ITPRIPL1: variants seen among roughly 807,000 people sequenced by gnomAD.
ITPRIPL1 encodes ITPRIP like 1, also known as inositol 1,4,5-trisphosphate receptor-interacting protein-like 1.
Under a neutral mutation model 40.0 loss-of-function variants are expected in ITPRIPL1, and 28 were observed. The observed-to-expected ratio is 0.70, with a 90% CI of 0.52 to 0.96. The LOEUF (loss-of-function observed/expected upper bound fraction) is 0.96, where lower values mean the gene tolerates loss of function less well. Among genes scored for constraint, ITPRIPL1 ranks in the 40% least tolerant of loss-of-function variants. The pLI is 0.00. For synonymous variants in ITPRIPL1, 251 were observed against 275.7 expected (o/e 0.91, Z 0.89); for missense variants, 638 against 698.0 (o/e 0.91, Z 0.97).
rs769653732 is a variant in ITPRIPL1 at position 96,327,829 on chromosome 2, GC to G, written c.1200del (p.Cys401ValfsTer6). ...TSVDWPESFVACEHLFLKLVG... is the reference protein window; with the variant it reads ...TSVDWPESFVXCEHLFLKLVG... ...TGTGGACTGGCCTGAGTCCTTTGTG[GC>G]CTGTGAGCACCTGTTCCTGAAGCTG... On this transcript the variant is annotated frameshift_variant, in exon 3 of 3. Coordinates refer to ENST00000439118, the MANE Select transcript of ITPRIPL1 (RefSeq NM_001008949.3). LOFTEE classifies it high-confidence loss of function. 6.2e-7 allele frequency: 1 copy of G among 1,614,068 alleles called. No homozygotes were observed. The highest frequency in any genetic ancestry group is 1.7e-5 in the Admixed American group (1 of 60,012).
At chr2:96,328,454 T>C (rs555000328), downstream of ITPRIPL1, 95 of 713,032 alleles carry the variant, frequency 1.3e-4, no homozygotes, top group Non-Finnish European at 1.8e-4. Context: ...GAGGTGGTCA[T>C]GAGGATGGGC....
downstream of ITPRIPL1, chr2:96,328,641 G>A (rs2064139540): frequency 4.8e-6 from 1 of 209,196 alleles, no homozygotes; most frequent in Admixed American, 5.3e-5. Context: ...CACTCGAAGT[G>A]AGAGAACCAG....
Position 96,325,503 on chromosome 2 carries a change from A to G in ITPRIPL1, c.-156A>G. On this transcript the variant is annotated 5_prime_UTR_variant, in exon 1 of 3. Coordinates refer to ENST00000439118, the MANE Select transcript of ITPRIPL1 (RefSeq NM_001008949.3). ...AACCGGACGCCCCCACCCTGCCGGG[A>G]AAAAAGCAGTGGCGGTCAGGCCGCG... The G allele has an allele frequency of 4.8e-6, 2 of 412,484 alleles. No individual in the cohort carries two copies. Among genetic ancestry groups the G allele is most frequent in the South Asian group, 5.3e-5 (2 of 37,434 alleles). 25.6% of individuals were successfully genotyped at this position (412,484 alleles called of 1,614,324 possible).
chr2:96,326,471 T>A, intron 2 of ITPRIPL1, 171 bp from the exon 3 acceptor site: 1 of 1,544,104 alleles, frequency 6.5e-7, no homozygotes, highest in Middle Eastern at 2.2e-4. Flanking sequence ...CTCTCGAACC[T>A]CCTCCCAGGC....
intron 1 of ITPRIPL1, 66 bp from the exon 2 acceptor site, chr2:96,325,681 T>C: frequency 1.4e-6 from 1 of 707,876 alleles, no homozygotes. Flanking sequence ...GGGGAAGTTA[T>C]GAATGGGGGG....
rs745664432 is a variant in ITPRIPL1, at chr2:96,327,482, G to A, written c.851G>A (p.Cys284Tyr). 6.2e-7 allele frequency: 1 copy of A among 1,614,052 alleles called. No individual in the cohort carries two copies. Among genetic ancestry groups the A allele is most frequent in the Non-Finnish European group, 8.5e-7 (1 of 1,179,992 alleles). ...GAGAAACTCCTAGGGGACGTGCTGT[G>A]CCTGGTGCACCACCACAGGGACCCC... The part of the protein sequence containing the change: ...KREKLLGDVL[C>Y]LVHHHRDPSA... The change falls in exon 3 of 3, where the codon TGC (cysteine) becomes TAC (tyrosine). Residue 284 changes from cysteine (C) to tyrosine (Y), a missense_variant. Cys to Tyr is a radical substitution (Grantham distance 194). Coordinates refer to ENST00000439118, the MANE Select transcript of ITPRIPL1 (RefSeq NM_001008949.3).
Position 96,326,935 on chromosome 2 carries a change from GA to G in ITPRIPL1, c.306del (p.Pro104LeufsTer150), listed in dbSNP as rs1395904696. On this transcript the variant is annotated frameshift_variant, in exon 3 of 3. Coordinates refer to ENST00000439118, the MANE Select transcript of ITPRIPL1 (RefSeq NM_001008949.3). LOFTEE classifies it high-confidence loss of function. ...GTGGCCGTTCCAGGCCGATGGCCAG[GA>G]AGGGCCTCTGGGCTGGATGCTGGGA... Reference protein sequence around the residue: ...MGWPFQADGQEGPLGWMLGNL... With the variant: ...MGWPFQADGQXGPLGWMLGNL... 3 of 1,614,138 alleles carry G rather than the reference GA, an allele frequency of 1.9e-6. No homozygotes were observed. The Admixed American group carries it at 5.0e-5, about 27-fold the overall frequency.
chr2:96,327,004 G>A lies in ITPRIPL1; in HGVS notation c.373G>A (p.Glu125Lys). ...CCTCTTTTGCCTTTTTCTCGTCTTT[G>A]AGCTCCTGCGACAGAACATGCAGCA... is the stretch of plus-strand genomic sequence containing the variant. Reference protein sequence around the residue: ...TGLFCLFLVFELLRQNMQHEP... With the variant: ...TGLFCLFLVFKLLRQNMQHEP... The change falls in exon 3 of 3, where the codon GAG (glutamate) becomes AAG (lysine). Residue 125 changes from glutamate (E) to lysine (K), a missense_variant. Coordinates refer to ENST00000439118, the MANE Select transcript of ITPRIPL1 (RefSeq NM_001008949.3). 1 of 1,614,164 alleles carries A rather than the reference G, an allele frequency of 6.2e-7. No individual in the cohort carries two copies. The highest frequency in any genetic ancestry group is 8.5e-7 in the Non-Finnish European group (1 of 1,180,028).
In ITPRIPL1 at chr2:96,327,618, C is replaced by T. The variant is rs749187962; in HGVS notation, c.987C>T (p.Ala329=). 8 of 1,610,198 alleles carry T rather than the reference C, an allele frequency of 5.0e-6. No individual in the cohort carries two copies. In the Admixed American group the frequency reaches 1.2e-4, roughly 24 times the overall value. ...VQWFRNMMGN[A]WALVAHKYDF... is the part of the protein sequence containing the mutation. The stretch of plus-strand genomic sequence containing the variant: ...GGTTCCGGAACATGATGGGCAATGC[C>T]TGGGCCCTTGTGGCCCACAAGTATG... Residue 329 remains alanine (A), a synonymous_variant, in exon 3 of 3, where the codon GCC becomes GCT. Transcript: ENST00000439118.
intron 2 of ITPRIPL1, 162 bp from the exon 3 acceptor site, chr2:96,326,480 G>A: frequency 6.5e-7 from 1 of 1,544,698 alleles, no homozygotes; most frequent in Non-Finnish European, 8.7e-7. Context: ...CTCCTCCCAG[G>A]CCGACCACCC....
At chr2:96,326,318 C>T (rs775385283) in intron 2 of ITPRIPL1, 2 of 1,468,552 alleles carry the variant, frequency 1.4e-6, no homozygotes, top group South Asian at 1.2e-5. Flanking sequence ...GGTGAGGCCA[C>T]CCTACCACAA....
rs1229597611 is a variant in ITPRIPL1 at position 96,327,761 on chromosome 2, T to C, written c.1130T>C (p.Val377Ala). 2 of 1,613,788 alleles carry C rather than the reference T, an allele frequency of 1.2e-6. No individual in the cohort carries two copies. The highest frequency in any genetic ancestry group is 1.7e-6 in the Non-Finnish European group (2 of 1,179,840). The change falls in exon 3 of 3, where the codon GTC becomes GCC. Residue 377 changes from valine (V) to alanine (A), a missense_variant. Val to Ala is a moderately conservative substitution (Grantham distance 64). Coordinates refer to ENST00000439118, the MANE Select transcript of ITPRIPL1 (RefSeq NM_001008949.3). ...VLGVQREDTLVYLVSQAPDQE... is the reference protein window; with the variant it reads ...VLGVQREDTLAYLVSQAPDQE... ...GGGGTGCAACGAGAAGACACCTTGGTCTACCTGGTGAGTCAGGCTCCTGAC... is the reference window on the plus strand; with the variant it reads ...GGGGTGCAACGAGAAGACACCTTGGCCTACCTGGTGAGTCAGGCTCCTGAC...
chr2:96,326,513 T>G (rs2064108244), intron 2 of ITPRIPL1, 129 bp from the exon 3 acceptor site: 2 of 1,557,946 alleles, frequency 1.3e-6, no homozygotes, highest in African/African-American at 2.7e-5. Context: ...AGCCAAGCTC[T>G]GTGGGCTTTC....
At chr2:96,326,388 C>A (rs2064107177) in intron 2 of ITPRIPL1, 12 of 1,525,858 alleles carry the variant, frequency 7.9e-6, no homozygotes, top group Middle Eastern at 2.0e-4. Flanking sequence ...TTTCTGGAAG[C>A]CTAAATACCA....
chr2:96,326,041 C>T (rs2104386077), intron 2 of ITPRIPL1, among the ~76,000 whole-genome samples, 192 bp downstream of exon 2: 1 of 152,314 alleles, frequency 6.6e-6, no homozygotes, highest in Non-Finnish European at 1.5e-5. Context: ...CCCTTAGGAG[C>T]AGAGAGGGCA....
Position 96,327,891 on chromosome 2 carries a change from CAA to C in ITPRIPL1, c.1261_1262del (p.Lys421ValfsTer29), listed in dbSNP as rs2064130847. 7.4e-6 allele frequency: 12 copies of C among 1,614,058 alleles called. No individual in the cohort carries two copies. Among genetic ancestry groups the C allele is most frequent in the Non-Finnish European group, 1.0e-5 (12 of 1,180,020 alleles). On this transcript the variant is annotated frameshift_variant, in exon 3 of 3. Coordinates refer to ENST00000439118, the MANE Select transcript of ITPRIPL1 (RefSeq NM_001008949.3). LOFTEE classifies it high-confidence loss of function. ...RFAPENTCHLKCLQIILSLRQ... is the reference protein window; with the variant it reads ...RFAPENTCHLXCLQIILSLRQ... ...TTGCCCCCGAGAACACCTGTCACCT[CAA>C]GTGCCTCCAGATCATTTTAAGTCTC...
intron 2 of ITPRIPL1, 52 bp downstream of exon 2, chr2:96,325,901 C>T: frequency 6.9e-7 from 1 of 1,442,806 alleles, no homozygotes; most frequent in Non-Finnish European, 9.6e-7. Flanking sequence ...TCGGGCTTCA[C>T]GGGTGGGTGG....
In ITPRIPL1 at chr2:96,326,905, A is replaced by T. The variant is rs1273697450; in HGVS notation, c.274A>T (p.Met92Leu). ...SDQLVLGKKD[M>L]GWPFQADGQE... is the part of the protein sequence containing the mutation. ...CCAGTTAGTGCTGGGGAAGAAAGAC[A>T]TGGGGTGGCCGTTCCAGGCCGATGG... The change falls in exon 3 of 3, where the codon ATG becomes TTG. Residue 92 changes from methionine (M) to leucine (L), a missense_variant. By Grantham distance (15) the Met-to-Leu change is conservative. Transcript: ENST00000439118. The T allele has an allele frequency of 6.2e-7, 1 of 1,614,186 alleles. No homozygotes were observed. Among genetic ancestry groups the T allele is most frequent in the Non-Finnish European group, 8.5e-7 (1 of 1,180,020 alleles).
downstream of ITPRIPL1, chr2:96,328,417 TATG>T: frequency 3.9e-6 from 4 of 1,022,610 alleles, no homozygotes; most frequent in Non-Finnish European, 5.7e-6. Flanking sequence ...CAGTGGGGGC[TATG>T]ATGAGACACC....
Sources: gnomAD v4.1 joint callset for allele counts (sites outside exome capture counted in the v4.1 genomes callset) on GRCh38, gnomAD v4.1.1 for gene constraint, MANE v1.5 for transcripts, NCBI Gene and HGNC (gene_info 2026-07-23, HGNC 2026-07-21) for gene names.